KIF26B: variants seen among roughly 807,000 people sequenced by gnomAD.
The protein encoded by KIF26B is kinesin-like protein KIF26B.
A neutral mutation model predicts 151.2 loss-of-function variants in KIF26B; 63 were observed. The ratio of observed to expected loss-of-function variants is 0.42; its 90% CI spans 0.34 to 0.51. The LOEUF (loss-of-function observed/expected upper bound fraction) is 0.51. Among genes scored for constraint, KIF26B ranks in the 20% least tolerant of loss-of-function variants. The pLI is 0.07. For missense variants in KIF26B, 2,813 were observed against 2,913.6 expected (o/e 0.97, Z 0.79); for synonymous variants, 1,357 against 1,262.1 (o/e 1.08, Z -1.59).
chr1:245,625,610 T>G (rs1471877358), intron 9 of KIF26B, among the ~76,000 whole-genome samples: 1 of 152,246 alleles, frequency 6.6e-6, no homozygotes, highest in African/African-American at 2.4e-5. Context: ...CAGTTATCAC[T>G]TATTTGTGTT....
intron 10 of KIF26B, among the ~76,000 whole-genome samples, chr1:245,670,827 C>T (rs1170443851): frequency 6.6e-6 from 1 of 152,166 alleles, no homozygotes; most frequent in Non-Finnish European, 1.5e-5. Flanking sequence ...GTATCCATCC[C>T]CTCAAGCATT....
intron 2 of KIF26B, among the ~76,000 whole-genome samples, chr1:245,298,028 A>G (rs1277882285): frequency 6.6e-6 from 1 of 152,106 alleles, no homozygotes; most frequent in Non-Finnish European, 1.5e-5. Flanking sequence ...CTGGGATTAC[A>G]GGCTCCCACC....
chr1:245,601,518 G>A lies in KIF26B; in HGVS notation c.1351-1059G>A, dbSNP rs1317369523. Among the ~76,000 whole-genome samples, 1 of 152,198 alleles carries A rather than the reference G, an allele frequency of 6.6e-6. No homozygotes were observed. The highest frequency in any genetic ancestry group is 2.1e-4 in the South Asian group (1 of 4,820). Reference sequence around the variant, plus strand: ...TGAGACAAAGAGAACAAGACACAGAGAGGAATTTAGAAATAATCCTTGTGC... The same window carrying A: ...TGAGACAAAGAGAACAAGACACAGAAAGGAATTTAGAAATAATCCTTGTGC... On this transcript the variant is annotated intron_variant, in intron 5 of 14. Transcript: ENST00000407071. This position sits in a 1 kb window ranked among gnomAD's most constrained non-coding sequence, Gnocchi z 4.4.
chr1:245,526,692 C>T (rs1291355130), intron 4 of KIF26B, among the ~76,000 whole-genome samples: 1 of 152,174 alleles, frequency 6.6e-6, no homozygotes, highest in African/African-American at 2.4e-5. Context: ...TACAGGTACC[C>T]AGCAAAGAGT....
intron 12 of KIF26B, among the ~76,000 whole-genome samples, chr1:245,697,851 G>A (rs1277600663): frequency 6.6e-6 from 1 of 152,194 alleles, no homozygotes; most frequent in East Asian, 1.9e-4. Flanking sequence ...ACCAGCCTGG[G>A]CAATATAGCA....
intron 2 of KIF26B, among the ~76,000 whole-genome samples, chr1:245,200,017 T>C (rs1481039877): frequency 2.0e-5 from 3 of 152,254 alleles, no homozygotes; most frequent in Non-Finnish European, 2.9e-5. Context: ...ACATATCCTG[T>C]GTCTACACTT....
chr1:245,353,476 C>T (rs113452259), intron 2 of KIF26B, among the ~76,000 whole-genome samples: 4 of 152,176 alleles, frequency 2.6e-5, no homozygotes, highest in South Asian at 2.1e-4. Context: ...GAGGAAGATT[C>T]GGATCGTGGC....
chr1:245,518,810 T>A (rs1371077534), intron 4 of KIF26B, among the ~76,000 whole-genome samples: 3 of 152,158 alleles, frequency 2.0e-5, no homozygotes, highest in Non-Finnish European at 4.4e-5. Flanking sequence ...TTAGAGATCA[T>A]GTATTTTGTG....
chr1:245,559,775 G>T (rs1222111368), intron 5 of KIF26B, among the ~76,000 whole-genome samples: 1 of 151,688 alleles, frequency 6.6e-6, no homozygotes, highest in African/African-American at 2.4e-5. Context: ...TGAACTCCTG[G>T]ACTCAAGTGA....
In KIF26B at chr1:245,347,293, C is replaced by T. The variant is rs562137992; in HGVS notation, c.466-19541C>T. Among the ~76,000 whole-genome samples, 7 of 152,082 alleles carry T rather than the reference C, an allele frequency of 4.6e-5. No individual in the cohort carries two copies. The South Asian group carries it at 1.2e-3, about 27-fold the overall frequency. On this transcript the variant is annotated intron_variant, in intron 2 of 14. Coordinates refer to ENST00000407071, the MANE Select transcript of KIF26B (RefSeq NM_018012.4). ...CCTCACACATCTCATTAACTACTGT[C>T]CCCTTTCTTTTCTTTCTTTCTTTCT...
chr1:245,611,332 G>C (rs2043519083), intron 8 of KIF26B, among the ~76,000 whole-genome samples: 1 of 152,046 alleles, frequency 6.6e-6, no homozygotes, highest in African/African-American at 2.4e-5. Flanking sequence ...TACATCTTTG[G>C]GACACCACTG....
intron 2 of KIF26B, among the ~76,000 whole-genome samples, chr1:245,286,618 CATT>C (rs1418519118): frequency 6.6e-6 from 1 of 152,146 alleles, no homozygotes; most frequent in Non-Finnish European, 1.5e-5. Flanking sequence ...ACTATATCCT[CATT>C]GTGCTGAAAA....
intron 5 of KIF26B, among the ~76,000 whole-genome samples, chr1:245,555,813 G>A (rs1396727934): frequency 6.6e-6 from 1 of 152,188 alleles, no homozygotes; most frequent in Non-Finnish European, 1.5e-5. Flanking sequence ...TATTTACCGA[G>A]CATTGACTGG....
At chr1:245,701,476 T>C (rs2044771399) in intron 14 of KIF26B, among the ~76,000 whole-genome samples, 1 of 152,188 alleles carries the variant, frequency 6.6e-6, no homozygotes, top group African/African-American at 2.4e-5. Flanking sequence ...CCAGCTCTAG[T>C]CCTGGTTAAC....
intron 9 of KIF26B, among the ~76,000 whole-genome samples, chr1:245,631,082 T>C (rs1421541382): frequency 6.6e-6 from 1 of 152,212 alleles, no homozygotes; most frequent in Non-Finnish European, 1.5e-5. Flanking sequence ...AGGAACAATT[T>C]GACTTTCGCT....
chr1:245,302,630 AG>A (rs1323877469), intron 2 of KIF26B, among the ~76,000 whole-genome samples: 1 of 152,196 alleles, frequency 6.6e-6, no homozygotes, highest in Non-Finnish European at 1.5e-5. Flanking sequence ...AGAAACATCG[AG>A]GAATTTCCCA....
intron 5 of KIF26B, among the ~76,000 whole-genome samples, chr1:245,593,633 C>T (rs1032169990): frequency 6.6e-5 from 10 of 152,102 alleles, no homozygotes; most frequent in African/African-American, 2.4e-4. Context: ...AATAAACATA[C>T]GTGTGCATGT....
intron 9 of KIF26B, among the ~76,000 whole-genome samples, chr1:245,615,305 A>G (rs2043576667): frequency 6.6e-6 from 1 of 152,204 alleles, no homozygotes; most frequent in Non-Finnish European, 1.5e-5. Context: ...AGATGGGATT[A>G]TCTCTCCTCC....
At chr1:245,448,468 C>CAG (rs1659298068) in intron 4 of KIF26B, among the ~76,000 whole-genome samples, 1 of 152,162 alleles carries the variant, frequency 6.6e-6, no homozygotes, top group Non-Finnish European at 1.5e-5. Context: ...CCTGGGCCTC[C>CAG]CAAAGTGCTG....
Sources: gnomAD v4.1 joint callset for allele counts (sites outside exome capture counted in the v4.1 genomes callset) on GRCh38, gnomAD v4.1.1 for gene constraint, Gnocchi (gnomAD v3.1) non-coding constraint, MANE v1.5 for transcripts, NCBI Gene and HGNC (gene_info 2026-07-23, HGNC 2026-07-21) for gene names.